CUX2: variants seen among roughly 807,000 people sequenced by gnomAD.
The protein encoded by CUX2 is cut like homeobox 2, also known as homeobox protein cut-like 2.
A neutral mutation model predicts 144.8 loss-of-function variants in CUX2; 40 were observed. That is an observed-to-expected ratio of 0.28 (90% confidence interval 0.21 to 0.36). The LOEUF is 0.36. CUX2 is among the 10% of genes least tolerant of loss of function. CUX2 has a pLI of 1.00. For synonymous variants in CUX2, 827 were observed against 875.6 expected (o/e 0.94, Z 0.98); for missense variants, 1,615 against 1,994.0 (o/e 0.81, Z 3.62).
rs1338509329 is a variant in CUX2 at position 111,312,212 on chromosome 12, C to A, written c.2002+11C>A. 3 of 1,595,358 alleles carry A rather than the reference C, an allele frequency of 1.9e-6. No homozygotes were observed. Among genetic ancestry groups the A allele is most frequent in the South Asian group, 1.1e-5 (1 of 89,174 alleles). ...AGTCGCAGAAGGGCGGTGAGTGTGA[C>A]CCCTGCAGGCAAAGCCTGAGGCCCC... On this transcript the variant is annotated intron_variant, in intron 16 of 21. Transcript: ENST00000261726. The surrounding 1 kb of genome is among the most constrained non-coding windows in gnomAD (Gnocchi z 4.3).
intron 16 of CUX2, among the ~76,000 whole-genome samples, chr12:111,313,714 A>G (rs527344640): frequency 2.6e-5 from 4 of 151,644 alleles, no homozygotes; most frequent in East Asian, 4.0e-4. Context: ...AAATGAGGTC[A>G]GTGTAATCCT....
At chr12:111,075,218 C>A (rs1468890995) in intron 1 of CUX2, among the ~76,000 whole-genome samples, 1 of 152,178 alleles carries the variant, frequency 6.6e-6, no homozygotes, top group Non-Finnish European at 1.5e-5. Context: ...GCCGTCAGAC[C>A]GCAGCCAACT....
At chr12:111,081,840 T>C (rs139760108) in intron 1 of CUX2, among the ~76,000 whole-genome samples, 4,528 of 152,296 alleles carry the variant, frequency 0.03, 77 homozygotes, top group Middle Eastern at 0.071. Context: ...TTCCGCCTGC[T>C]GGTGACTGCA....
At chr12:111,129,425 A>G (rs1174954974) in intron 1 of CUX2, among the ~76,000 whole-genome samples, 3 of 152,268 alleles carry the variant, frequency 2.0e-5, no homozygotes, top group South Asian at 4.1e-4. Context: ...AGTGGGCCTT[A>G]TGGAAAGGGT....
Position 111,322,548 on chromosome 12 carries a change from A to T in CUX2, c.2894A>T (p.Gln965Leu). Residue 965 changes from glutamine (Q) to leucine (L), a missense_variant, in exon 18 of 22, where the codon CAG becomes CTG. Coordinates refer to ENST00000261726, the MANE Select transcript of CUX2 (RefSeq NM_015267.4). The surrounding 1 kb of genome is among the most constrained non-coding windows in gnomAD (Gnocchi z 4.2). The stretch of plus-strand genomic sequence containing the variant: ...CTGTGGCTCTCTGACCAGCTCGGCC[A>T]GGCAGTGGGCCAGCAGCCTGGTGCC... ...MQLWLSDQLG[Q>L]AVGQQPGASQ... 6.2e-7 allele frequency: 1 copy of T among 1,609,926 alleles called. No individual in the cohort carries two copies. The highest frequency in any genetic ancestry group is 8.5e-7 in the Non-Finnish European group (1 of 1,179,586).
chr12:111,257,035 A>C (rs1883852391), intron 3 of CUX2, among the ~76,000 whole-genome samples: 1 of 152,194 alleles, frequency 6.6e-6, no homozygotes, highest in East Asian at 1.9e-4. Context: ...CCCTGGCAGA[A>C]GCAGTTCTAC....
Position 111,190,639 on chromosome 12 carries a change from C to A in CUX2, c.64-23561C>A, listed in dbSNP as rs902558284. 1.5e-4 allele frequency among the ~76,000 whole-genome samples: 23 copies of A among 152,206 alleles called. No homozygotes were observed. The highest frequency in any genetic ancestry group is 5.5e-4 in the African/African-American group (23 of 41,444). On this transcript the variant is annotated intron_variant, in intron 1 of 21. Transcript: ENST00000261726. The surrounding 1 kb of genome is among the most constrained non-coding windows in gnomAD (Gnocchi z 4.0). ...CTGGCATTTTTAGCTGATCAATAGA[C>A]CCTTTGTGGCCTAACAGAGACACAC... is the stretch of plus-strand genomic sequence containing the variant.
chr12:111,174,972 C>A (rs1034031576), intron 1 of CUX2, among the ~76,000 whole-genome samples: 1 of 152,166 alleles, frequency 6.6e-6, no homozygotes, highest in African/African-American at 2.4e-5. Flanking sequence ...TCTGCTACAG[C>A]ATGAGGAAGA....
chr12:111,262,787 G>A (rs1011028404), intron 3 of CUX2, among the ~76,000 whole-genome samples: 7 of 152,120 alleles, frequency 4.6e-5, no homozygotes, highest in African/African-American at 1.2e-4. Context: ...GATATCTTAC[G>A]AGAGCTTTAA....
chr12:111,265,374 C>T (rs1002659144), intron 4 of CUX2, among the ~76,000 whole-genome samples: 12 of 148,840 alleles, frequency 8.1e-5, no homozygotes, highest in Admixed American at 8.0e-4. Context: ...CAGGGTCTTG[C>T]TCTGTTGCCC....
intron 1 of CUX2, among the ~76,000 whole-genome samples, chr12:111,060,508 C>A (rs1043531835): frequency 6.6e-6 from 1 of 152,224 alleles, no homozygotes; most frequent in Non-Finnish European, 1.5e-5. Context: ...CTTTTTAAGA[C>A]CCATGAGGGC....
chr12:111,346,175 A>T (rs758681994), intron 21 of CUX2, among the ~76,000 whole-genome samples: 4 of 146,608 alleles, frequency 2.7e-5, no homozygotes, highest in Non-Finnish European at 6.0e-5. Context: ...CACCAACCTA[A>T]CAGAAAATGA....
At chr12:111,335,663 T>C (rs1965012) in intron 19 of CUX2, among the ~76,000 whole-genome samples, 66,049 of 151,744 alleles carry the variant, frequency 0.44, 18,907 homozygotes, top group East Asian at 0.93. Flanking sequence ...GCCGAGATTG[T>C]ACCACTGCAC....
chr12:111,316,692 G>A (rs951474600), intron 16 of CUX2, among the ~76,000 whole-genome samples: 20 of 151,252 alleles, frequency 1.3e-4, no homozygotes, highest in African/African-American at 4.9e-4. Flanking sequence ...TCAAGTGATC[G>A]GCCTGCCTCA....
chr12:111,109,722 G>A (rs1873823921), intron 1 of CUX2, among the ~76,000 whole-genome samples: 1 of 152,182 alleles, frequency 6.6e-6, no homozygotes, highest in African/African-American at 2.4e-5. Flanking sequence ...TGGATAGGAT[G>A]GTGGAGAAGG....
intron 1 of CUX2, among the ~76,000 whole-genome samples, chr12:111,149,292 T>C (rs1876892742): frequency 6.6e-6 from 1 of 152,180 alleles, no homozygotes; most frequent in Admixed American, 6.5e-5. Context: ...TATCGGCTAT[T>C]GTTGGTGTAT....
chr12:111,215,347 T>C (rs1012304841), intron 2 of CUX2, among the ~76,000 whole-genome samples: 2 of 152,186 alleles, frequency 1.3e-5, no homozygotes, highest in Non-Finnish European at 2.9e-5. Flanking sequence ...GATCAGGTCA[T>C]ATGAGCACAG....
intron 3 of CUX2, among the ~76,000 whole-genome samples, chr12:111,238,693 T>C (rs1882879079): frequency 6.6e-6 from 1 of 151,636 alleles, no homozygotes; most frequent in Non-Finnish European, 1.5e-5. Flanking sequence ...ACCTAGTTTT[T>C]ATGTATATAT....
chr12:111,095,775 T>C (rs918764918), intron 1 of CUX2, among the ~76,000 whole-genome samples: 1 of 152,234 alleles, frequency 6.6e-6, no homozygotes, highest in Non-Finnish European at 1.5e-5. Flanking sequence ...ATCACTACTT[T>C]TTCTCTCCAT....
Sources: gnomAD v4.1 joint callset for allele counts (sites outside exome capture counted in the v4.1 genomes callset) on GRCh38, gnomAD v4.1.1 for gene constraint, Gnocchi (gnomAD v3.1) non-coding constraint, MANE v1.5 for transcripts, NCBI Gene and HGNC (gene_info 2026-07-23, HGNC 2026-07-21) for gene names.